Variants in SFMBT2 observed in about 807,000 individuals in gnomAD.
SFMBT2 encodes the protein scm-like with four MBT domains protein 2.
Under a neutral mutation model 110.1 loss-of-function variants are expected in SFMBT2, and 38 were observed. The observed-to-expected ratio is 0.35, with a 90% CI of 0.27 to 0.45. SFMBT2 has a LOEUF of 0.45. Among genes scored for constraint, SFMBT2 ranks in the 20% least tolerant of loss-of-function variants. SFMBT2 has a pLI of 1.00. For synonymous variants in SFMBT2, 425 were observed against 425.4 expected (o/e 1.00, Z 0.01); for missense variants, 1,011 against 1,094.9 (o/e 0.92, Z 1.08).
intron 17 of SFMBT2, among the ~76,000 whole-genome samples, chr10:7,173,845 C>A (rs1564366547): frequency 6.6e-6 from 1 of 152,272 alleles, no homozygotes; most frequent in East Asian, 1.9e-4. Flanking sequence ...TTGCAGCAGC[C>A]CCGTTGCAGG....
chr10:7,210,627 T>G (rs1839313110), intron 11 of SFMBT2, among the ~76,000 whole-genome samples: 2 of 152,182 alleles, frequency 1.3e-5, no homozygotes, highest in South Asian at 4.1e-4. Context: ...CTGACAGGCT[T>G]GAGTGTGAGA....
chr10:7,166,299 C>A (rs1837691196), intron 20 of SFMBT2, among the ~76,000 whole-genome samples: 1 of 152,228 alleles, frequency 6.6e-6, no homozygotes, highest in Admixed American at 6.5e-5. Flanking sequence ...CTGTAGTTTT[C>A]TGACATTAAA....
intron 2 of SFMBT2, among the ~76,000 whole-genome samples, chr10:7,378,667 GGTGT>G (rs1454765556): frequency 6.8e-6 from 1 of 147,830 alleles, no homozygotes; most frequent in Non-Finnish European, 1.5e-5. Context: ...GGTGTGTGTG[GGTGT>G]ATGTGTGGAT....
chr10:7,377,310 T>C (rs1845263896), intron 2 of SFMBT2, among the ~76,000 whole-genome samples: 1 of 152,008 alleles, frequency 6.6e-6, no homozygotes, highest in African/African-American at 2.4e-5. Flanking sequence ...AACACAGTGG[T>C]CCCCAACCTT....
chr10:7,174,943 C>CTGTG (rs371540722), intron 17 of SFMBT2, among the ~76,000 whole-genome samples: 151 of 151,284 alleles, frequency 1.0e-3, no homozygotes, highest in African/African-American at 3.4e-3. Context: ...CAAGGGGACT[C>CTGTG]TGTGTGTGTG....
intron 4 of SFMBT2, among the ~76,000 whole-genome samples, chr10:7,336,160 GTTAA>G (rs1277664780): frequency 6.6e-6 from 1 of 152,132 alleles, no homozygotes; most frequent in African/African-American, 2.4e-5. Flanking sequence ...TGTAAAATAT[GTTAA>G]TTGAGTCATA....
chr10:7,295,193 T>G (rs1426476645), intron 4 of SFMBT2: 1 of 152,250 alleles, frequency 6.6e-6, no homozygotes, highest in African/African-American at 2.4e-5. Flanking sequence ...AGTCTGCATC[T>G]GCCTTTTTCC....
intron 12 of SFMBT2, chr10:7,203,717 CTTTT>C (rs796989516): frequency 1.8e-5 from 17 of 963,216 alleles, no homozygotes; most frequent in Non-Finnish European, 2.1e-5. Flanking sequence ...GAATCTGCAG[CTTTT>C]TTTTTGTGAG....
intron 4 of SFMBT2, among the ~76,000 whole-genome samples, chr10:7,359,637 T>G (rs935751802): frequency 4.5e-4 from 68 of 152,332 alleles, no homozygotes; most frequent in African/African-American, 1.5e-3. Flanking sequence ...AAAACCCAAA[T>G]AGCATCTGAT....
At chr10:7,378,426 TGA>T (rs1200062051) in intron 2 of SFMBT2, among the ~76,000 whole-genome samples, 1 of 60,022 alleles carries the variant, frequency 1.7e-5, no homozygotes, top group African/African-American at 8.6e-5. Context: ...TGGATGGGTG[TGA>T]GTGTGGGTGT....
chr10:7,159,021 T>A lies in SFMBT2; in HGVS notation c.*4749A>T, dbSNP rs1414442956. ...TATCTTTTTCTGTCATTTAAAAAAA[T>A]TTGCCTCAAATTTTTCATCCTAAGG... On this transcript the variant is annotated 3_prime_UTR_variant, in exon 21 of 21. Transcript: ENST00000397167. 1.3e-5 allele frequency: 2 copies of A among 152,152 alleles called. No homozygotes were observed. The highest frequency in any genetic ancestry group is 2.4e-5 in the African/African-American group (1 of 41,444). 9.4% of individuals were successfully genotyped at this position (152,152 alleles called of 1,614,324 possible).
chr10:7,248,471 C>A, intron 8 of SFMBT2, 77 bp downstream of exon 8: 2 of 1,204,274 alleles, frequency 1.7e-6, no homozygotes, highest in Non-Finnish European at 2.4e-6. Context: ...CATATGTCAT[C>A]TGGTCGTCTT....
intron 16 of SFMBT2, among the ~76,000 whole-genome samples, chr10:7,179,391 G>GAAAAAAAAAAAAA (rs57497418): frequency 6.4e-4 from 45 of 70,320 alleles, no homozygotes; most frequent in Admixed American, 8.9e-4. Flanking sequence ...TTGCATTTTC[G>GAAAAAAAAAAAAA]AAAAAAAAAA....
intron 7 of SFMBT2, among the ~76,000 whole-genome samples, chr10:7,276,115 T>C (rs1264678288): frequency 6.6e-6 from 1 of 152,224 alleles, no homozygotes; most frequent in Non-Finnish European, 1.5e-5. Context: ...AAGCATAATT[T>C]TTGAAGTGTA....
At chr10:7,315,578 G>A (rs1217753403) in intron 4 of SFMBT2, among the ~76,000 whole-genome samples, 1 of 152,172 alleles carries the variant, frequency 6.6e-6, no homozygotes, top group Non-Finnish European at 1.5e-5. Context: ...TCTCCAGCCT[G>A]CCAACTGCAG....
At chr10:7,309,061 T>A (rs1842775053) in intron 4 of SFMBT2, among the ~76,000 whole-genome samples, 1 of 152,168 alleles carries the variant, frequency 6.6e-6, no homozygotes, top group Non-Finnish European at 1.5e-5. Context: ...TGGCCAAACA[T>A]TATTCTGGGT....
rs1197160709 is a variant in SFMBT2, at chr10:7,367,696, G to C, written c.389C>G (p.Pro130Arg). 2 of 1,613,850 alleles carry C rather than the reference G, an allele frequency of 1.2e-6. No individual in the cohort carries two copies. Among genetic ancestry groups the C allele is most frequent in the Admixed American group, 3.3e-5 (2 of 60,028 alleles). The change falls in exon 4 of 21, where the codon CCC (proline) becomes CGC (arginine). Residue 130 changes from proline to arginine, a missense_variant. By Grantham distance (103) the Pro-to-Arg change is moderately radical. Transcript: ENST00000397167. This position sits in a 1 kb window ranked among gnomAD's most constrained non-coding sequence, Gnocchi z 6.2. ...GTTGTTCTGTGTGCACCACCCCACG[G>C]GGTGCAAATCCGCGATGACTACGTC... ...WCDVVIADLH[P>R]VGWCTQNNKV...
intron 20 of SFMBT2, among the ~76,000 whole-genome samples, chr10:7,168,060 C>A (rs1038387107): frequency 3.2e-5 from 4 of 125,358 alleles, no homozygotes; most frequent in Admixed American, 8.4e-5. Flanking sequence ...AAGAGTAAAA[C>A]TCCATCTCAA....
chr10:7,171,804 A>T lies in SFMBT2; in HGVS notation c.2415+91T>A. 7.9e-7 allele frequency: 1 copy of T among 1,266,686 alleles called. No individual in the cohort carries two copies. The highest frequency in any genetic ancestry group is 1.0e-6 in the Non-Finnish European group (1 of 985,932). The allele number at this position is 1,266,686 out of a possible 1,614,324, so 78.5% of individuals were successfully genotyped here. On this transcript the variant is annotated intron_variant, in intron 19 of 20. Coordinates refer to ENST00000397167, the MANE Select transcript of SFMBT2 (RefSeq NM_001387889.1). This position sits in a 1 kb window ranked among gnomAD's most constrained non-coding sequence, Gnocchi z 4.9. The stretch of plus-strand genomic sequence containing the variant: ...GCTGCTGCTGTTGGAGGTATTTTAA[A>T]CAGGTTTCCCCACATCGTGGCCCTG...
Sources: allele counts gnomAD v4.1 joint callset (sites outside exome capture counted in the v4.1 genomes callset), GRCh38; gene constraint gnomAD v4.1.1; non-coding constraint Gnocchi (gnomAD v3.1); transcripts MANE v1.5; gene names NCBI Gene and HGNC (gene_info 2026-07-23, HGNC 2026-07-21).